EXO1: variants seen among roughly 807,000 people sequenced by gnomAD.
EXO1 encodes exonuclease 1.
Under a neutral mutation model 84.5 loss-of-function variants are expected in EXO1, and 69 were observed. The ratio of observed to expected loss-of-function variants is 0.82; its 90% CI spans 0.67 to 1.00. The LOEUF (loss-of-function observed/expected upper bound fraction) is 1.00, where lower values mean the gene tolerates loss of function less well. EXO1 is among the 50% of genes least tolerant of loss of function. The pLI is 0.00. For synonymous variants in EXO1, 373 were observed against 366.1 expected, an observed-to-expected ratio of 1.02 and a Z score of -0.21; for missense variants, 1,045 against 1,000.7, an observed-to-expected ratio of 1.04 and a Z score of -0.60.
rs765038656 is a variant in EXO1, at chr1:241,850,539, A to C, written c.114A>C (p.Gly38=). ...AVDTYCWLHK[G]AIACAEKLAK... ...ATACATATTGCTGGCTTCACAAAGGAGCTATTGCTTGTGCTGAAAAACTAG... is the reference window on the plus strand; with the variant it reads ...ATACATATTGCTGGCTTCACAAAGGCGCTATTGCTTGTGCTGAAAAACTAG... The change falls in exon 4 of 16, where the codon GGA becomes GGC. Residue 38 remains glycine (G), a synonymous_variant. Transcript: ENST00000366548. 6.2e-7 allele frequency: 1 copy of C among 1,614,016 alleles called. No individual in the cohort carries two copies. The highest frequency in any genetic ancestry group is 8.5e-7 in the Non-Finnish European group (1 of 1,179,926).
intron 13 of EXO1, 53 bp from the exon 14 acceptor site, chr1:241,881,863 A>T (rs1662773713): frequency 4.5e-6 from 4 of 886,104 alleles, no homozygotes; most frequent in Non-Finnish European, 7.4e-6. Flanking sequence ...TTGTCATAAA[A>T]ATTCTACAGT....
chr1:241,875,356 T>G (rs778989411), intron 12 of EXO1, among the ~76,000 whole-genome samples: 34 of 152,212 alleles, frequency 2.2e-4, no homozygotes, highest in Non-Finnish European at 4.3e-4. Context: ...CTAACCATGA[T>G]GATGGGAGAA....
intron 15 of EXO1, among the ~76,000 whole-genome samples, chr1:241,887,411 T>C (rs4150004): frequency 0.025 from 3,771 of 152,332 alleles, 89 homozygotes; most frequent in East Asian, 0.13. Flanking sequence ...TTGGAAAATA[T>C]TGGTTAATTG....
rs1660731457 is a variant in EXO1 at position 241,852,525 on chromosome 1, GTCCT to G, written c.281+115_281+118del. 3.3e-6 allele frequency: 3 copies of G among 903,786 alleles called. No homozygotes were observed. The African/African-American group carries it at 4.9e-5, about 15-fold the overall frequency. 56.0% of individuals were successfully genotyped at this position (903,786 alleles called of 1,614,324 possible). A position where few individuals can be genotyped will look rare whatever the true frequency, so the allele number is the denominator to read the frequency against. The stretch of plus-strand genomic sequence containing the variant: ...CCAGGCTCAGTGGCTTGCACCTGTT[GTCCT>G]AGGTACTCGGGAGGTTGAGGCAAGA... On this transcript the variant is annotated intron_variant, in intron 5 of 15. Coordinates refer to ENST00000366548, the MANE Select transcript of EXO1 (RefSeq NM_130398.4).
At chr1:241,861,100 A>T (rs1405488882) in intron 9 of EXO1, among the ~76,000 whole-genome samples, 1 of 152,222 alleles carries the variant, frequency 6.6e-6, no homozygotes, top group African/African-American at 2.4e-5. Flanking sequence ...GGCCATGTAC[A>T]TGCAGGCTGA....
intron 8 of EXO1, 83 bp from the exon 9 acceptor site, chr1:241,860,434 A>G (rs867591482): frequency 4.6e-6 from 5 of 1,098,056 alleles, no homozygotes; most frequent in Middle Eastern, 2.5e-4. Context: ...ATCCCTCTTT[A>G]TGAATGTAAA....
In EXO1 at chr1:241,878,607, T is replaced by C. The variant is rs183568613; in HGVS notation, c.1515-142T>C. 515 of 598,714 alleles carry C rather than the reference T, an allele frequency of 8.6e-4. 3 individuals are homozygous for C. In the East Asian group the frequency reaches 0.014, roughly 16 times the overall value. 37.1% of individuals were successfully genotyped at this position (598,714 alleles called of 1,614,324 possible). A position where few individuals can be genotyped will look rare whatever the true frequency, so the allele number is the denominator to read the frequency against. Reference sequence around the variant, plus strand: ...TTTGAATTTTGACTAAAATTTAAGATTTTTTATGCCTTTATGAAATTATAT... The same window carrying C: ...TTTGAATTTTGACTAAAATTTAAGACTTTTTATGCCTTTATGAAATTATAT... On this transcript the variant is annotated intron_variant, in intron 12 of 15. Transcript: ENST00000366548.
At chr1:241,858,842 G>A (rs964270740) in intron 8 of EXO1, 124 bp downstream of exon 8, 16 of 755,068 alleles carry the variant, frequency 2.1e-5, no homozygotes, top group Middle Eastern at 7.3e-4. Context: ...ATTAAAAGGA[G>A]CAAATGACTG....
intron 12 of EXO1, among the ~76,000 whole-genome samples, chr1:241,873,806 G>T (rs1197751114): frequency 6.6e-6 from 1 of 152,156 alleles, no homozygotes; most frequent in African/African-American, 2.4e-5. Flanking sequence ...GAAAGGGTAA[G>T]AAGGAAGGGA....
intron 12 of EXO1, 53 bp downstream of exon 12, chr1:241,872,331 G>C: frequency 6.3e-7 from 1 of 1,582,416 alleles, no homozygotes; most frequent in South Asian, 1.1e-5. Context: ...GTACTCTGTT[G>C]GTATTTATTT....
chr1:241,861,347 TATA>T lies in EXO1; in HGVS notation c.945-55_945-53del, dbSNP rs1244341642. ...AATAGAAAACATTTTTCCATCTTAG[TATA>T]ATATCATTTGGTTGGTTGTTAATAA... On this transcript the variant is annotated intron_variant, in intron 9 of 15. Transcript: ENST00000366548. 4 of 868,638 alleles carry T rather than the reference TATA, an allele frequency of 4.6e-6. No homozygotes were observed. In the African/African-American group the frequency reaches 6.6e-5, roughly 14 times the overall value. The allele number at this position is 868,638 out of a possible 1,614,324, so 53.8% of individuals were successfully genotyped here. A position where few individuals can be genotyped will look rare whatever the true frequency, so the allele number is the denominator to read the frequency against.
At chr1:241,882,140 C>G in intron 14 of EXO1, 123 bp downstream of exon 14, 2 of 624,446 alleles carry the variant, frequency 3.2e-6, no homozygotes, top group South Asian at 3.8e-5. Flanking sequence ...ATAAAAATGT[C>G]TACTTTAAAA....
intron 15 of EXO1, among the ~76,000 whole-genome samples, chr1:241,888,879 A>T (rs1663210983): frequency 6.6e-6 from 1 of 152,138 alleles, no homozygotes. Flanking sequence ...GTTTGAGACC[A>T]GCCTGGCCAG....
intron 13 of EXO1, among the ~76,000 whole-genome samples, chr1:241,881,334 A>G (rs1458641859): frequency 1.3e-5 from 2 of 151,978 alleles, no homozygotes; most frequent in African/African-American, 4.8e-5. Context: ...CCCTGGCCTT[A>G]CTGTCCTCTT....
intron 8 of EXO1, among the ~76,000 whole-genome samples, 196 bp from the exon 9 acceptor site, chr1:241,860,321 C>A (rs1218827615): frequency 1.3e-5 from 2 of 151,624 alleles, no homozygotes; most frequent in South Asian, 2.1e-4. Flanking sequence ...AATAGAAAAA[C>A]CAAAGAAAAT....
chr1:241,853,472 AG>A lies in EXO1; in HGVS notation c.397del (p.Val133Ter). The A allele has an allele frequency of 6.2e-7, 1 of 1,614,074 alleles. No individual in the cohort carries two copies. The highest frequency in any genetic ancestry group is 8.5e-7 in the Non-Finnish European group (1 of 1,179,990). On this transcript the variant is annotated frameshift_variant, in exon 6 of 16. Coordinates refer to ENST00000366548, the MANE Select transcript of EXO1 (RefSeq NM_130398.4). LOFTEE classifies it high-confidence loss of function. ...INITHAMAHK[V>X]IKAARSQGVD... ...ATATCACACATGCCATGGCCCACAA[AG>A]TAATTAAAGTAAGACAAAGGGGCAG... is the stretch of plus-strand genomic sequence containing the variant.
At chr1:241,851,835 A>G (rs988340134) in intron 4 of EXO1, among the ~76,000 whole-genome samples, 2 of 152,222 alleles carry the variant, frequency 1.3e-5, no homozygotes, top group African/African-American at 4.8e-5. Flanking sequence ...AAGTGTACCA[A>G]TTATAATATA....
rs4150010 is a variant in EXO1, at chr1:241,887,762, C to G, written c.2406-1703C>G. ...CAAGTGATTCACCTGTCTCAGCCTC[C>G]TAAGTAGGTGGGATTACAGGCGCCT... On this transcript the variant is annotated intron_variant, in intron 15 of 15. Transcript: ENST00000366548. 8.2e-3 allele frequency among the ~76,000 whole-genome samples: 1,241 copies of G among 152,222 alleles called. 12 individuals are homozygous for G. Among genetic ancestry groups the G allele is most frequent in the Non-Finnish European group, 9.8e-3 (666 of 68,004 alleles).
At chr1:241,856,616 A>G (rs1221966412) in intron 6 of EXO1, among the ~76,000 whole-genome samples, 2 of 152,128 alleles carry the variant, frequency 1.3e-5, no homozygotes, top group East Asian at 1.9e-4. Context: ...GTGTCAGTAC[A>G]TTGACTTTCG....
Sources: gnomAD v4.1 joint callset for allele counts (sites outside exome capture counted in the v4.1 genomes callset) on GRCh38, gnomAD v4.1.1 for gene constraint, MANE v1.5 for transcripts, NCBI Gene and HGNC (gene_info 2026-07-23, HGNC 2026-07-21) for gene names.